Variants in SCMH1 observed in about 807,000 individuals in gnomAD.
The protein encoded by SCMH1 is Scm polycomb group protein homolog 1.
A neutral mutation model predicts 70.8 loss-of-function variants in SCMH1; 37 were observed. That is an observed-to-expected ratio of 0.52 (90% CI 0.40 to 0.69). The LOEUF (loss-of-function observed/expected upper bound fraction) is 0.69. Among genes scored for constraint, SCMH1 ranks in the 30% least tolerant of loss-of-function variants. The pLI, the probability that SCMH1 is intolerant of heterozygous loss-of-function variation, is 0.00. For synonymous variants in SCMH1, 292 were observed against 307.4 expected (o/e 0.95, Z 0.52); for missense variants, 607 against 827.3 (o/e 0.73, Z 3.27).
At chr1:41,077,546 T>G (rs1658697910) in intron 8 of SCMH1, among the ~76,000 whole-genome samples, 1 of 152,126 alleles carries the variant, frequency 6.6e-6, no homozygotes. Context: ...CTTAAAGATA[T>G]TTTAAAACTA....
intron 8 of SCMH1, among the ~76,000 whole-genome samples, chr1:41,086,187 A>G (rs755973230): frequency 1.7e-4 from 26 of 152,170 alleles, no homozygotes; most frequent in Non-Finnish European, 3.2e-4. Flanking sequence ...ACATAGCTCA[A>G]ATTACATTTC....
intron 2 of SCMH1, among the ~76,000 whole-genome samples, chr1:41,185,551 A>G (rs1649953116): frequency 6.6e-6 from 1 of 152,060 alleles, no homozygotes; most frequent in Non-Finnish European, 1.5e-5. Flanking sequence ...CTTGCATTGT[A>G]TTTCTGCTGG....
intron 1 of SCMH1, among the ~76,000 whole-genome samples, chr1:41,210,259 A>C (rs1656677161): frequency 7.5e-6 from 1 of 134,054 alleles, no homozygotes; most frequent in Non-Finnish European, 1.7e-5. Context: ...GGAAGAATCA[A>C]TATCGTGAAA....
chr1:41,170,771 A>G (rs1646736254), intron 2 of SCMH1, among the ~76,000 whole-genome samples: 1 of 152,034 alleles, frequency 6.6e-6, no homozygotes, highest in African/African-American at 2.4e-5. Flanking sequence ...AGTTATTGCT[A>G]CCTCACAGTT....
intron 1 of SCMH1, among the ~76,000 whole-genome samples, chr1:41,203,557 A>T (rs1489554357): frequency 6.6e-6 from 1 of 152,228 alleles, no homozygotes; most frequent in Non-Finnish European, 1.5e-5. Flanking sequence ...TGGTCCCAAA[A>T]CTGGCCATAA....
At chr1:41,181,957 C>T (rs1648897203) in intron 2 of SCMH1, among the ~76,000 whole-genome samples, 1 of 152,160 alleles carries the variant, frequency 6.6e-6, no homozygotes, top group South Asian at 2.1e-4. Context: ...CCCAAATGTC[C>T]ATCAATGATA....
At chr1:41,137,134 A>G (rs372354562) in intron 6 of SCMH1, among the ~76,000 whole-genome samples, 12 of 152,122 alleles carry the variant, frequency 7.9e-5, no homozygotes, top group African/African-American at 2.4e-4. Flanking sequence ...TTTCTGCCTC[A>G]TTAATTTCCT....
chr1:41,118,521 T>G (rs1671107706), intron 6 of SCMH1, among the ~76,000 whole-genome samples: 1 of 152,202 alleles, frequency 6.6e-6, no homozygotes, highest in African/African-American at 2.4e-5. Flanking sequence ...CTCTTATCAC[T>G]TTCTGTCTTG....
intron 6 of SCMH1, among the ~76,000 whole-genome samples, chr1:41,120,354 T>C (rs1413693085): frequency 6.6e-6 from 1 of 152,210 alleles, no homozygotes; most frequent in African/African-American, 2.4e-5. Flanking sequence ...TCTTACTCAA[T>C]ATTTGAAATA....
intron 1 of SCMH1, among the ~76,000 whole-genome samples, chr1:41,221,510 A>C (rs1659263560): frequency 6.6e-6 from 1 of 151,628 alleles, no homozygotes; most frequent in Non-Finnish European, 1.5e-5. Context: ...AAAAAAGAGG[A>C]TGAAATAATA....
At chr1:41,150,936 CAAAAAA>C (rs71062579) in intron 5 of SCMH1, among the ~76,000 whole-genome samples, 1 of 76,524 alleles carries the variant, frequency 1.3e-5, no homozygotes, top group South Asian at 5.6e-4. Context: ...GACACCATCT[CAAAAAA>C]AAAAAAAAAA....
In SCMH1 at chr1:41,070,464, G is replaced by A. The variant is rs1656083546; in HGVS notation, c.1105+131C>T. ...GTCTGACATTATTTCAAATGCCAAA[G>A]ATAAAATTTTTTAAAAATATTTTAC... On this transcript the variant is annotated intron_variant, in intron 10 of 14. Transcript: ENST00000337495. 6.5e-6 allele frequency: 8 copies of A among 1,221,578 alleles called. No individual in the cohort carries two copies. In the East Asian group the frequency reaches 2.1e-4, roughly 32 times the overall value. 75.7% of individuals were successfully genotyped at this position (1,221,578 alleles called of 1,614,324 possible). A position where few individuals can be genotyped will look rare whatever the true frequency, so the allele number is the denominator to read the frequency against.
intron 10 of SCMH1, among the ~76,000 whole-genome samples, chr1:41,059,820 G>A (rs919037014): frequency 4.6e-5 from 7 of 152,222 alleles, no homozygotes; most frequent in Admixed American, 3.3e-4. Flanking sequence ...TCCCCCTCCT[G>A]TAAGGGGTTT....
chr1:41,082,347 T>G (rs1660277107), intron 8 of SCMH1, among the ~76,000 whole-genome samples: 1 of 152,112 alleles, frequency 6.6e-6, no homozygotes, highest in South Asian at 2.1e-4. Flanking sequence ...GGGAAGCCCA[T>G]CAGACTAACA....
chr1:41,029,439 A>ATC (rs1355300475), intron 13 of SCMH1, among the ~76,000 whole-genome samples: 1 of 152,166 alleles, frequency 6.6e-6, no homozygotes, highest in Non-Finnish European at 1.5e-5. Flanking sequence ...ACCTCAAGTG[A>ATC]TCTGCCTGCC....
intron 2 of SCMH1, among the ~76,000 whole-genome samples, chr1:41,177,872 C>T (rs1490994389): frequency 6.6e-6 from 1 of 152,156 alleles, no homozygotes; most frequent in Non-Finnish European, 1.5e-5. Context: ...CATTCAAATT[C>T]AGGAAATACA....
intron 8 of SCMH1, among the ~76,000 whole-genome samples, chr1:41,094,325 G>A (rs1443019908): frequency 6.6e-6 from 1 of 152,116 alleles, no homozygotes; most frequent in Non-Finnish European, 1.5e-5. Context: ...TTGTGTCAAG[G>A]TGCCAGCAGT....
chr1:41,126,148 T>C (rs1467753633), intron 6 of SCMH1, among the ~76,000 whole-genome samples: 2 of 152,210 alleles, frequency 1.3e-5, no homozygotes, highest in Non-Finnish European at 2.9e-5. Flanking sequence ...CTATTTTCAA[T>C]ATCTGCAAAT....
At chr1:41,173,504 A>T (rs771112122) in intron 2 of SCMH1, among the ~76,000 whole-genome samples, 10 of 152,170 alleles carry the variant, frequency 6.6e-5, no homozygotes, top group Admixed American at 1.3e-4. Context: ...ACTCTTATTC[A>T]CTGTTGGTGG....
Sources: gnomAD v4.1 joint callset for allele counts (sites outside exome capture counted in the v4.1 genomes callset) on GRCh38, gnomAD v4.1.1 for gene constraint, MANE v1.5 for transcripts, NCBI Gene and HGNC (gene_info 2026-07-23, HGNC 2026-07-21) for gene names.